Variants in AOPEP observed in about 807,000 individuals in gnomAD.
The protein encoded by AOPEP is aminopeptidase O (putative).
In AOPEP, 77 loss-of-function variants were observed where a neutral mutation model predicts 98.1. The observed-to-expected ratio is 0.78, with a 90% CI of 0.65 to 0.95. The LOEUF is 0.95. AOPEP is among the 40% of genes least tolerant of loss of function. The pLI is 0.00. For missense variants in AOPEP, 1,024 were observed against 1,024.7 expected, an observed-to-expected ratio of 1.00 and a Z score of 0.01; for synonymous variants, 346 against 365.3, an observed-to-expected ratio of 0.95 and a Z score of 0.60.
chr9:94,728,052 T>C (rs1829615357), intron 1 of AOPEP, among the ~76,000 whole-genome samples: 1 of 152,234 alleles, frequency 6.6e-6, no homozygotes, highest in Admixed American at 6.5e-5. Flanking sequence ...TGCACTTTTC[T>C]TAAAGGACTC....
At chr9:94,920,452 A>T (rs1248473088) in intron 5 of AOPEP, 1 of 151,886 alleles carries the variant, frequency 6.6e-6, no homozygotes, top group Non-Finnish European at 1.5e-5. Context: ...GGTTCCTTCT[A>T]CCCCTGCAGC....
chr9:94,866,769 G>A (rs1457224368), intron 5 of AOPEP, among the ~76,000 whole-genome samples: 2 of 152,080 alleles, frequency 1.3e-5, no homozygotes, highest in East Asian at 3.8e-4. Context: ...AAGCTTATTG[G>A]TTGATTAAAA....
intron 5 of AOPEP, chr9:94,904,207 A>G (rs1365997054): frequency 6.6e-6 from 1 of 152,214 alleles, no homozygotes; most frequent in Non-Finnish European, 1.5e-5. Context: ...GCATTCATGT[A>G]TCAAAAAGAT....
At chr9:94,788,241 T>TA (rs199865178) in intron 3 of AOPEP, among the ~76,000 whole-genome samples, 4 of 151,558 alleles carry the variant, frequency 2.6e-5, no homozygotes, top group Admixed American at 6.6e-5. Flanking sequence ...ACCTGGCTAA[T>TA]AAAAAAAAAT....
intron 2 of AOPEP, among the ~76,000 whole-genome samples, chr9:94,764,444 C>T (rs12337079): frequency 0.013 from 1,915 of 152,140 alleles, 46 homozygotes; most frequent in African/African-American, 0.044. Context: ...GCCAGGAGTT[C>T]GAGACCAGCC....
At chr9:95,000,052 T>C (rs2061465295) in intron 11 of AOPEP, among the ~76,000 whole-genome samples, 1 of 152,216 alleles carries the variant, frequency 6.6e-6, no homozygotes, top group Non-Finnish European at 1.5e-5. Flanking sequence ...TGAAACTGAC[T>C]TCCTTTTTTG....
At chr9:94,940,560 C>T (rs2056891474) in intron 7 of AOPEP, among the ~76,000 whole-genome samples, 2 of 152,038 alleles carry the variant, frequency 1.3e-5, no homozygotes, top group Non-Finnish European at 2.9e-5. Flanking sequence ...TCAGACTGCA[C>T]TCCAGCCTGG....
intron 5 of AOPEP, among the ~76,000 whole-genome samples, chr9:94,807,683 A>C (rs957656172): frequency 1.3e-5 from 2 of 152,222 alleles, no homozygotes; most frequent in Non-Finnish European, 2.9e-5. Flanking sequence ...TCAGTGCACA[A>C]AGTTACCTAA....
chr9:94,982,585 TG>T (rs754954139), intron 11 of AOPEP, among the ~76,000 whole-genome samples: 16 of 140,844 alleles, frequency 1.1e-4, no homozygotes, highest in South Asian at 9.3e-4. Context: ...TTTTTTTTTT[TG>T]GAGACAGGGT....
intron 7 of AOPEP, among the ~76,000 whole-genome samples, chr9:94,929,136 C>G (rs2054860456): frequency 6.6e-6 from 1 of 152,146 alleles, no homozygotes; most frequent in South Asian, 2.1e-4. Flanking sequence ...TTATCTGAAA[C>G]CTGGTACCTA....
intron 1 of AOPEP, among the ~76,000 whole-genome samples, chr9:94,742,240 G>A (rs552526529): frequency 6.6e-6 from 1 of 152,240 alleles, no homozygotes; most frequent in South Asian, 2.1e-4. Context: ...ACAAAGAAGA[G>A]AGGAGTCAAT....
intron 5 of AOPEP, among the ~76,000 whole-genome samples, chr9:94,848,230 G>T (rs1313830391): frequency 6.6e-6 from 1 of 151,906 alleles, no homozygotes; most frequent in Non-Finnish European, 1.5e-5. Context: ...AGGCGGGCGG[G>T]TCACAAGGTC....
At chr9:94,837,777 A>G (rs1286259070) in intron 5 of AOPEP, among the ~76,000 whole-genome samples, 1 of 152,242 alleles carries the variant, frequency 6.6e-6, no homozygotes, top group Non-Finnish European at 1.5e-5. Flanking sequence ...AATAAAAGCC[A>G]TCTATGACAA....
In AOPEP at chr9:94,847,127, T is replaced by TACACAC. The variant is rs57318947; in HGVS notation, c.1364+46146_1364+46151dup. On this transcript the variant is annotated intron_variant, in intron 5 of 16. Transcript: ENST00000375315. ...TTGGTAGATTTGGTGGTTCCCTTTG[T>TACACAC]ACACACACACACACACACACACACA... Among the ~76,000 whole-genome samples, 456 of 125,198 alleles carry TACACAC rather than the reference T, an allele frequency of 3.6e-3. 5 individuals carry two copies. The highest frequency in any genetic ancestry group is 0.012 in the African/African-American group (416 of 35,872). The allele number at this position is 125,198 out of a possible 152,430, so 82.1% of individuals were successfully genotyped here. A position where few individuals can be genotyped will look rare whatever the true frequency, so the allele number is the denominator to read the frequency against.
chr9:94,750,158 G>A (rs1276116617), intron 1 of AOPEP, among the ~76,000 whole-genome samples: 3 of 152,182 alleles, frequency 2.0e-5, no homozygotes, highest in Non-Finnish European at 4.4e-5. Context: ...GACAATTAGG[G>A]AATTGGGCAG....
At chr9:94,942,953 TAAG>T (rs2057182012) in intron 7 of AOPEP, among the ~76,000 whole-genome samples, 1 of 115,606 alleles carries the variant, frequency 8.7e-6, no homozygotes, top group Non-Finnish European at 1.9e-5. Flanking sequence ...TCAAAGATAA[TAAG>T]GTACTGATTC....
chr9:94,982,314 C>T (rs145921030), intron 11 of AOPEP, among the ~76,000 whole-genome samples: 234 of 152,180 alleles, frequency 1.5e-3, no homozygotes, highest in African/African-American at 5.3e-3. Context: ...ACATGCCCTC[C>T]GTAGCAAATT....
At chr9:95,111,003 A>G in the AOPEP span, 1 of 1,430,702 alleles carries the variant, frequency 7.0e-7, no homozygotes, top group Non-Finnish European at 9.1e-7. Flanking sequence ...TAATGTGAGG[A>G]TCTGTTGACT....
At chr9:95,032,052 G>T (rs569015424) in intron 13 of AOPEP, among the ~76,000 whole-genome samples, 1 of 152,332 alleles carries the variant, frequency 6.6e-6, no homozygotes, top group East Asian at 1.9e-4. Flanking sequence ...CCATAACATG[G>T]AAAGGGGCAT....
Sources: gnomAD v4.1 joint callset for allele counts (sites outside exome capture counted in the v4.1 genomes callset) on GRCh38, gnomAD v4.1.1 for gene constraint, MANE v1.5 for transcripts, NCBI Gene and HGNC (gene_info 2026-07-23, HGNC 2026-07-21) for gene names.